PTPRN2: variants seen among roughly 807,000 people sequenced by gnomAD.
PTPRN2 encodes receptor-type tyrosine-protein phosphatase N2.
Under a neutral mutation model 118.8 loss-of-function variants are expected in PTPRN2, and 74 were observed. The ratio of observed to expected loss-of-function variants is 0.62; its 90% confidence interval spans 0.52 to 0.76. The LOEUF is 0.76. Ranked by LOEUF, PTPRN2 falls within the 30% of genes least tolerant of loss-of-function variation. PTPRN2 has a pLI of 0.00. For missense variants in PTPRN2, 1,481 were observed against 1,394.4 expected, an observed-to-expected ratio of 1.06 and a Z score of -0.99; for synonymous variants, 641 against 608.0, an observed-to-expected ratio of 1.05 and a Z score of -0.80.
chr7:158,188,642 G>A (rs1287647703), intron 5 of PTPRN2, among the ~76,000 whole-genome samples: 2 of 124,414 alleles, frequency 1.6e-5, no homozygotes, highest in Non-Finnish European at 3.3e-5. Flanking sequence ...AGGCCGCCAC[G>A]CTCGCCCCCT....
intron 2 of PTPRN2, among the ~76,000 whole-genome samples, chr7:158,464,662 A>G (rs1438359102): frequency 1.3e-5 from 2 of 149,396 alleles, no homozygotes; most frequent in African/African-American, 5.0e-5. Context: ...CATCCTTACC[A>G]TCACCATCAT....
chr7:157,826,021 TCAGG>T (rs1397973163), intron 12 of PTPRN2, among the ~76,000 whole-genome samples: 1 of 152,178 alleles, frequency 6.6e-6, no homozygotes, highest in African/African-American at 2.4e-5. Flanking sequence ...ATGTAAGGGG[TCAGG>T]CAATCCCCTC....
chr7:158,146,732 A>G (rs571076000), intron 6 of PTPRN2, among the ~76,000 whole-genome samples: 12 of 151,668 alleles, frequency 7.9e-5, no homozygotes, highest in Admixed American at 2.6e-4. Flanking sequence ...AAAAAAAAAA[A>G]AAAGAAAGAA....
At chr7:158,337,723 G>C (rs1805954880) in intron 2 of PTPRN2, among the ~76,000 whole-genome samples, 5 of 149,980 alleles carry the variant, frequency 3.3e-5, no homozygotes, top group Admixed American at 6.6e-5. Context: ...GACGCCCGCA[G>C]ACGTCACTCA....
At chr7:158,375,360 G>A (rs987982750) in intron 2 of PTPRN2, among the ~76,000 whole-genome samples, 12 of 152,226 alleles carry the variant, frequency 7.9e-5, no homozygotes, top group Admixed American at 2.0e-4. Flanking sequence ...GAGGGCAGCA[G>A]ACAAGGCAGC....
intron 3 of PTPRN2, among the ~76,000 whole-genome samples, chr7:158,249,209 CCATA>C (rs1184316598): frequency 1.3e-5 from 2 of 152,072 alleles, no homozygotes; most frequent in Non-Finnish European, 2.9e-5. Flanking sequence ...CACATGCACA[CCATA>C]CATAAATGCA....
chr7:158,166,834 G>C lies in PTPRN2; in HGVS notation c.910+97C>G, dbSNP rs1016928390. 3.0e-6 allele frequency: 4 copies of C among 1,347,398 alleles called. No individual in the cohort carries two copies. The African/African-American group carries it at 4.4e-5, about 15-fold the overall frequency. 83.5% of individuals were successfully genotyped at this position (1,347,398 alleles called of 1,614,324 possible). A position where few individuals can be genotyped will look rare whatever the true frequency, so the allele number is the denominator to read the frequency against. On this transcript the variant is annotated intron_variant, in intron 6 of 22. Coordinates refer to ENST00000389418, the MANE Select transcript of PTPRN2 (RefSeq NM_002847.5). ...CGTCCTCGGGGGAGTGCGGTGTGCA[G>C]ACCCCACGTGTGGGAAGAGCATGGT... is the stretch of plus-strand genomic sequence containing the variant.
In PTPRN2 at chr7:158,499,067, G is replaced by C. The variant is rs375310131; in HGVS notation, c.113-9282C>G. On this transcript the variant is annotated intron_variant, in intron 1 of 22. Transcript: ENST00000389418. ...TCTCTGATGAAAGAGGAAAAATCCA[G>C]TTCATAGTTTCTCAGTCATTGTTAA... Among the ~76,000 whole-genome samples the C allele has an allele frequency of 3.9e-5, 6 of 152,168 alleles. No homozygotes were observed. The East Asian group carries it at 1.2e-3, about 29-fold the overall frequency.
chr7:158,470,052 T>C (rs899054361), intron 2 of PTPRN2, among the ~76,000 whole-genome samples: 24 of 152,050 alleles, frequency 1.6e-4, no homozygotes, highest in African/African-American at 3.6e-4. Context: ...ATAAAAGAAT[T>C]GGGAGCTGGG....
chr7:157,649,951 C>T (rs1347405304), intron 14 of PTPRN2, among the ~76,000 whole-genome samples: 6 of 144,312 alleles, frequency 4.2e-5, no homozygotes, highest in Admixed American at 7.0e-5. Flanking sequence ...GCACTGAACT[C>T]GGTGGGTTGG....
intron 14 of PTPRN2, among the ~76,000 whole-genome samples, chr7:157,637,877 T>C (rs995609330): frequency 2.0e-5 from 3 of 152,222 alleles, no homozygotes; most frequent in Admixed American, 6.5e-5. Flanking sequence ...TCTGATGAAG[T>C]TTTTAGGAAG....
intron 11 of PTPRN2, among the ~76,000 whole-genome samples, chr7:157,984,270 C>CCATCCCACGCCAGGCTCCACCCCCT (rs10661580): frequency 1.1e-4 from 1 of 9,380 alleles, no homozygotes. Flanking sequence ...AGGCTCCACC[C>CCATCCCACGCCAGGCTCCACCCCCT]CCCACGCCAG....
chr7:158,024,472 T>G lies in PTPRN2; in HGVS notation c.1723+56826A>C, dbSNP rs1264019139. 2.0e-5 allele frequency among the ~76,000 whole-genome samples: 3 copies of G among 152,320 alleles called. No individual in the cohort carries two copies. The East Asian group carries it at 5.8e-4, about 29-fold the overall frequency. ...TAAGAGGAAAAAAATGCCAAAATGA[T>G]TGCCAAGACATGCACTGGGCATTCC... On this transcript the variant is annotated intron_variant, in intron 11 of 22. Transcript: ENST00000389418.
At chr7:158,494,128 T>C (rs1448589964) in intron 1 of PTPRN2, among the ~76,000 whole-genome samples, 1 of 152,262 alleles carries the variant, frequency 6.6e-6, no homozygotes, top group Non-Finnish European at 1.5e-5. Flanking sequence ...ATGGAGAGTT[T>C]GTTGTTCATT....
rs998396736 is a variant in PTPRN2, at chr7:158,317,676, C to T, written c.164-744G>A. Among the ~76,000 whole-genome samples, 9 of 152,318 alleles carry T rather than the reference C, an allele frequency of 5.9e-5. No individual in the cohort carries two copies. The South Asian group carries it at 8.3e-4, about 14-fold the overall frequency. ...GGTGCACACAAAAGGTTAATTCAGG[C>T]GCTACTGCTTCCACACAGGGCGGCC... On this transcript the variant is annotated intron_variant, in intron 2 of 22. Transcript: ENST00000389418.
At chr7:158,468,721 T>A (rs2129443971) in intron 2 of PTPRN2, among the ~76,000 whole-genome samples, 1 of 152,052 alleles carries the variant, frequency 6.6e-6, no homozygotes, top group Middle Eastern at 3.4e-3. Context: ...TCCCCTATGC[T>A]TGTCCCACAA....
At chr7:157,766,076 G>A (rs115832708) in intron 12 of PTPRN2, among the ~76,000 whole-genome samples, 14,080 of 103,370 alleles carry the variant, frequency 0.14, 1,229 homozygotes, top group East Asian at 0.31. Context: ...CCATCTATCC[G>A]CCCACCCATC....
intron 2 of PTPRN2, among the ~76,000 whole-genome samples, chr7:158,415,368 A>T (rs2129418456): frequency 6.6e-6 from 1 of 152,244 alleles, no homozygotes; most frequent in Non-Finnish European, 1.5e-5. Context: ...CTGGGTTTGG[A>T]AGGGTCACCC....
At chr7:157,736,749 T>C (rs28737251) in intron 12 of PTPRN2, among the ~76,000 whole-genome samples, 83,726 of 151,990 alleles carry the variant, frequency 0.55, 23,647 homozygotes, top group African/African-American at 0.63. Context: ...GGCCACGGAG[T>C]CTCGTGTCTC....
Sources: gnomAD v4.1 joint callset for allele counts (sites outside exome capture counted in the v4.1 genomes callset) on GRCh38, gnomAD v4.1.1 for gene constraint, MANE v1.5 for transcripts, NCBI Gene and HGNC (gene_info 2026-07-23, HGNC 2026-07-21) for gene names.